HPSE2: variants seen among roughly 807,000 people sequenced by gnomAD.
HPSE2 encodes inactive heparanase-2.
In HPSE2, 38 loss-of-function variants were observed where a neutral mutation model predicts 60.5. That is an observed-to-expected ratio of 0.63 (90% CI 0.48 to 0.82). The LOEUF is 0.82. Ranked by LOEUF, HPSE2 falls within the 40% of genes least tolerant of loss-of-function variation. The probability of loss-of-function intolerance (pLI) is 0.00; values close to 1 mark genes in which losing one functional copy is unlikely to be tolerated. For synonymous variants in HPSE2, 295 were observed against 293.2 expected, an observed-to-expected ratio of 1.01 and a Z score of -0.06; for missense variants, 713 against 740.4, an observed-to-expected ratio of 0.96 and a Z score of 0.43.
intron 2 of HPSE2, among the ~76,000 whole-genome samples, chr10:99,216,732 A>G (rs931916844): frequency 6.6e-6 from 1 of 152,212 alleles, no homozygotes; most frequent in Admixed American, 6.5e-5. Flanking sequence ...GTATCCTATA[A>G]GGACAGCATA....
chr10:99,018,141 T>C (rs867943241), intron 3 of HPSE2, among the ~76,000 whole-genome samples: 1 of 152,158 alleles, frequency 6.6e-6, no homozygotes, highest in Non-Finnish European at 1.5e-5. Flanking sequence ...ACAAAGCAAA[T>C]ATCCCCTGGG....
chr10:98,798,885 T>C (rs1380666898), intron 3 of HPSE2, among the ~76,000 whole-genome samples: 3 of 152,192 alleles, frequency 2.0e-5, no homozygotes, highest in Admixed American at 6.5e-5. Flanking sequence ...TCTGTACTTA[T>C]CAGTGATAAC....
chr10:98,961,186 G>A (rs373352024), intron 3 of HPSE2, among the ~76,000 whole-genome samples: 3 of 13,344 alleles, frequency 2.2e-4, no homozygotes, highest in African/African-American at 4.0e-4. Context: ...ATTGTGAATA[G>A]TGCCGCAATA....
the HPSE2 span, among the ~76,000 whole-genome samples, chr10:99,272,081 G>T: frequency 6.6e-6 from 1 of 152,138 alleles, no homozygotes; most frequent in Admixed American, 6.6e-5. Context: ...GACCGGCCAG[G>T]CCAACATGGT....
At position 99,115,184 on chromosome 10, in the gene HPSE2, G is replaced by A. The variant is rs191171190; in HGVS notation, c.610+29054C>T. 1.4e-3 allele frequency among the ~76,000 whole-genome samples: 200 copies of A among 142,354 alleles called. 1 individual carries two copies. The highest frequency in any genetic ancestry group is 2.8e-3 in the Non-Finnish European group (182 of 66,078). The allele number at this position is 142,354 out of a possible 152,430, so 93.4% of individuals were successfully genotyped here. A position where few individuals can be genotyped will look rare whatever the true frequency, so the allele number is the denominator to read the frequency against. ...TTTTTTTTTTTTGAGACGGAGTCTCGCTCTGTCACCCAGGCTGGAGTGCAG... is the reference window on the plus strand; with the variant it reads ...TTTTTTTTTTTTGAGACGGAGTCTCACTCTGTCACCCAGGCTGGAGTGCAG... On this transcript the variant is annotated intron_variant, in intron 3 of 11. Coordinates refer to ENST00000370552, the MANE Select transcript of HPSE2 (RefSeq NM_021828.5).
chr10:98,687,840 T>C (rs935291617), intron 6 of HPSE2, among the ~76,000 whole-genome samples: 2 of 152,200 alleles, frequency 1.3e-5, no homozygotes, highest in Non-Finnish European at 2.9e-5. Flanking sequence ...TGTCTTTATA[T>C]TTAAAGTGTG....
chr10:98,807,043 T>C (rs1465115669), intron 3 of HPSE2, among the ~76,000 whole-genome samples: 1 of 152,154 alleles, frequency 6.6e-6, no homozygotes. Context: ...TTTGGGAGGC[T>C]GAGGCAGGAG....
chr10:99,100,199 A>G (rs754471272), intron 3 of HPSE2, among the ~76,000 whole-genome samples: 3 of 152,224 alleles, frequency 2.0e-5, no homozygotes, highest in Admixed American at 6.5e-5. Context: ...TCTCCGAGCT[A>G]AAGAAGGAAG....
At chr10:98,982,733 C>T (rs954639780) in intron 3 of HPSE2, among the ~76,000 whole-genome samples, 1 of 152,062 alleles carries the variant, frequency 6.6e-6, no homozygotes, top group Non-Finnish European at 1.5e-5. Context: ...GGAAAATAAA[C>T]TGTGCTTACT....
At chr10:98,884,817 T>C (rs1302964539) in intron 3 of HPSE2, among the ~76,000 whole-genome samples, 1 of 152,146 alleles carries the variant, frequency 6.6e-6, no homozygotes, top group Non-Finnish European at 1.5e-5. Context: ...CTAGATCCCT[T>C]GCAGAGATCC....
intron 9 of HPSE2, among the ~76,000 whole-genome samples, chr10:98,533,750 TG>T (rs1398617003): frequency 6.6e-6 from 1 of 152,202 alleles, no homozygotes; most frequent in African/African-American, 2.4e-5. Context: ...CGGCAGACTT[TG>T]GTAGACTCTG....
intron 3 of HPSE2, among the ~76,000 whole-genome samples, chr10:99,095,946 G>A (rs113653967): frequency 0.012 from 1,876 of 152,114 alleles, 37 homozygotes; most frequent in African/African-American, 0.041. Context: ...TACAATGGAC[G>A]GTGGTCTTAC....
intron 9 of HPSE2, among the ~76,000 whole-genome samples, chr10:98,607,330 G>A (rs966187020): frequency 6.6e-6 from 1 of 152,178 alleles, no homozygotes; most frequent in African/African-American, 2.4e-5. Context: ...TGCTGTAGCT[G>A]TAATCCCTCA....
At chr10:98,970,310 A>G (rs1165286468) in intron 3 of HPSE2, among the ~76,000 whole-genome samples, 1 of 152,140 alleles carries the variant, frequency 6.6e-6, no homozygotes. Context: ...TCAGAGCAAG[A>G]GGTCACTTTT....
At chr10:99,027,756 C>T (rs374969432) in intron 3 of HPSE2, among the ~76,000 whole-genome samples, 1 of 150,306 alleles carries the variant, frequency 6.7e-6, no homozygotes, top group South Asian at 2.1e-4. Flanking sequence ...CAAAAATCTT[C>T]AACAAAATAC....
intron 3 of HPSE2, among the ~76,000 whole-genome samples, chr10:99,057,842 T>C (rs997355613): frequency 6.6e-6 from 1 of 152,220 alleles, no homozygotes; most frequent in Admixed American, 6.5e-5. Context: ...CCCCTCTTCC[T>C]GTTTCTTTTC....
chr10:98,795,016 G>GAA (rs2134499152), intron 3 of HPSE2, among the ~76,000 whole-genome samples: 5 of 140,180 alleles, frequency 3.6e-5, no homozygotes, highest in Non-Finnish European at 7.8e-5. Context: ...AGGAGAGAGA[G>GAA]AGAGAAGGAA....
intron 3 of HPSE2, among the ~76,000 whole-genome samples, chr10:98,778,243 G>A (rs1206247508): frequency 2.1e-5 from 1 of 46,778 alleles, no homozygotes; most frequent in East Asian, 3.7e-4. Flanking sequence ...GGAGACTGCA[G>A]GATGCTCAGT....
intron 5 of HPSE2, among the ~76,000 whole-genome samples, chr10:98,711,259 T>C (rs11189766): frequency 0.18 from 28,046 of 151,930 alleles, 3,005 homozygotes; most frequent in East Asian, 0.38. Context: ...GACCTGGCTG[T>C]AGAGCCTGGT....
Sources: gnomAD v4.1 joint callset for allele counts (sites outside exome capture counted in the v4.1 genomes callset) on GRCh38, gnomAD v4.1.1 for gene constraint, MANE v1.5 for transcripts, NCBI Gene and HGNC (gene_info 2026-07-23, HGNC 2026-07-21) for gene names.